Variants in TEAD4 observed in about 807,000 individuals in gnomAD.
TEAD4 encodes TEA domain transcription factor 4, also known as transcriptional enhancer factor TEF-3.
Under a neutral mutation model 52.4 loss-of-function variants are expected in TEAD4, and 36 were observed. The ratio of observed to expected loss-of-function variants is 0.69; its 90% CI spans 0.53 to 0.91. The LOEUF is 0.91. TEAD4 is among the 40% of genes least tolerant of loss of function. TEAD4 has a pLI of 0.00. For synonymous variants in TEAD4, 220 were observed against 231.0 expected (o/e 0.95, Z 0.43); for missense variants, 508 against 583.9 (o/e 0.87, Z 1.34).
chr12:3,038,853 C>T (rs4766029), intron 11 of TEAD4, among the ~76,000 whole-genome samples: 87,628 of 152,080 alleles, frequency 0.58, 30,049 homozygotes, highest in East Asian at 0.94. Flanking sequence ...GTTCTGGGCC[C>T]GCTGCGTAGT....
At chr12:2,968,282 T>C (rs2098222131) in intron 2 of TEAD4, among the ~76,000 whole-genome samples, 1 of 151,538 alleles carries the variant, frequency 6.6e-6, no homozygotes, top group African/African-American at 2.4e-5. Context: ...GATAGGGTTT[T>C]TCCATGTTGG....
At chr12:2,998,603 C>T (rs911316052) in intron 3 of TEAD4, among the ~76,000 whole-genome samples, 3 of 151,862 alleles carry the variant, frequency 2.0e-5, no homozygotes, top group African/African-American at 7.3e-5. Context: ...CATAACACGT[C>T]AGCGCTCCCA....
At position 3,017,507 on chromosome 12, in the gene TEAD4, G is replaced by C; in HGVS notation, c.464G>C (p.Gly155Ala). ...AGCATGGCCCTCGCCCGGGGCCCCG[G>C]CCGCCCAGCAGTCTCAGGGGTAAGT... is the stretch of plus-strand genomic sequence containing the variant. The change falls in exon 6 of 13, where the codon GGC becomes GCC. Residue 155 changes from glycine (G) to alanine (A), a missense_variant. By Grantham distance (60) the Gly-to-Ala change is moderately conservative. Coordinates refer to ENST00000359864, the MANE Select transcript of TEAD4 (RefSeq NM_003213.4). 2 of 1,613,764 alleles carry C rather than the reference G, an allele frequency of 1.2e-6. No homozygotes were observed. The highest frequency in any genetic ancestry group is 1.7e-6 in the Non-Finnish European group (2 of 1,179,916).
At chr12:2,973,637 C>T (rs1397990629) in intron 2 of TEAD4, among the ~76,000 whole-genome samples, 4 of 152,118 alleles carry the variant, frequency 2.6e-5, no homozygotes, top group African/African-American at 4.8e-5. Context: ...CTGTTCCTGG[C>T]GTAGAGCATG....
intron 2 of TEAD4, among the ~76,000 whole-genome samples, chr12:2,968,180 G>T (rs530668089): frequency 6.9e-6 from 1 of 144,778 alleles, no homozygotes; most frequent in Non-Finnish European, 1.5e-5. Context: ...TCCACCTTCC[G>T]GGTTCAAGCG....
intron 2 of TEAD4, among the ~76,000 whole-genome samples, chr12:2,984,523 G>A (rs113544107): frequency 6.3e-4 from 96 of 152,314 alleles, no homozygotes; most frequent in African/African-American, 2.1e-3. Flanking sequence ...AAACAGTCAT[G>A]TGCTGCTTCA....
intron 3 of TEAD4, among the ~76,000 whole-genome samples, chr12:3,006,736 C>G (rs2098256243): frequency 6.6e-6 from 1 of 150,954 alleles, no homozygotes; most frequent in African/African-American, 2.4e-5. Context: ...AAAAAAAATA[C>G]AAAGATGGGC....
intron 5 of TEAD4, among the ~76,000 whole-genome samples, chr12:3,012,773 G>A (rs745872728): frequency 1.3e-5 from 2 of 152,122 alleles, no homozygotes; most frequent in Admixed American, 6.5e-5. Flanking sequence ...CATTCCCCTC[G>A]GGGTAGCCCT....
At chr12:3,001,207 G>A (rs2098251435) in intron 3 of TEAD4, among the ~76,000 whole-genome samples, 1 of 152,164 alleles carries the variant, frequency 6.6e-6, no homozygotes, top group Non-Finnish European at 1.5e-5. Context: ...TGTGGGAGGT[G>A]ATTTGGTTTA....
chr12:2,962,163 C>T (rs1003278891), intron 2 of TEAD4, among the ~76,000 whole-genome samples: 3 of 149,198 alleles, frequency 2.0e-5, no homozygotes, highest in South Asian at 4.2e-4. Flanking sequence ...CTCGCTCTGT[C>T]GCCTAGGCAG....
At chr12:2,986,340 C>G (rs2098238458) in intron 2 of TEAD4, among the ~76,000 whole-genome samples, 1 of 151,326 alleles carries the variant, frequency 6.6e-6, no homozygotes, top group Admixed American at 6.6e-5. Context: ...GGAGTACACT[C>G]TAAAATGATG....
chr12:3,038,858 C>G (rs1347396024), intron 11 of TEAD4, among the ~76,000 whole-genome samples: 1 of 152,222 alleles, frequency 6.6e-6, no homozygotes, highest in Non-Finnish European at 1.5e-5. Context: ...GGGCCCGCTG[C>G]GTAGTGGCAG....
intron 3 of TEAD4, among the ~76,000 whole-genome samples, chr12:2,999,098 G>A (rs2098249584): frequency 6.6e-6 from 1 of 152,222 alleles, no homozygotes; most frequent in South Asian, 2.1e-4. Flanking sequence ...CACCCCCAGT[G>A]TGTGGGATGG....
intron 3 of TEAD4, among the ~76,000 whole-genome samples, chr12:3,004,301 C>T (rs1426682458): frequency 2.0e-5 from 3 of 152,210 alleles, no homozygotes; most frequent in African/African-American, 7.2e-5. Context: ...GTAATACTCT[C>T]GAAGCACTGG....
intron 10 of TEAD4, 50 bp downstream of exon 10, chr12:3,022,067 GT>G: frequency 6.2e-7 from 1 of 1,600,208 alleles, no homozygotes; most frequent in Non-Finnish European, 8.5e-7. Context: ...GTCCGTGGTA[GT>G]GAGAACGGGG....
intron 10 of TEAD4, among the ~76,000 whole-genome samples, chr12:3,030,829 C>T (rs1324063326): frequency 6.6e-6 from 1 of 152,128 alleles, no homozygotes; most frequent in Admixed American, 6.5e-5. Context: ...GGTGGACGGT[C>T]ATGGCCACGT....
chr12:3,018,463 C>A, intron 6 of TEAD4, 82 bp from the exon 7 acceptor site: 1 of 1,550,688 alleles, frequency 6.4e-7, no homozygotes. Flanking sequence ...GGAGGCCCTG[C>A]CCGGTCCTAC....
At chr12:2,996,144 T>C (rs563393217) in intron 3 of TEAD4, among the ~76,000 whole-genome samples, 1 of 152,274 alleles carries the variant, frequency 6.6e-6, no homozygotes, top group East Asian at 1.9e-4. Flanking sequence ...GTGAGAGCCC[T>C]GAGTGGGTCT....
chr12:2,982,201 A>C (rs2098234599), intron 2 of TEAD4, among the ~76,000 whole-genome samples: 1 of 152,118 alleles, frequency 6.6e-6, no homozygotes. Context: ...GGAGGAGCTT[A>C]CTGTTCTGAG....
Sources: allele counts gnomAD v4.1 joint callset (sites outside exome capture counted in the v4.1 genomes callset), GRCh38; gene constraint gnomAD v4.1.1; transcripts MANE v1.5; gene names NCBI Gene and HGNC (gene_info 2026-07-23, HGNC 2026-07-21).